Variants in PCDH15 observed in about 807,000 individuals in gnomAD.
The protein encoded by PCDH15 is protocadherin related 15.
A neutral mutation model predicts 178.5 loss-of-function variants in PCDH15; 129 were observed. That is an observed-to-expected ratio of 0.72 (90% CI 0.63 to 0.84). The LOEUF is 0.84. Ranked by LOEUF, PCDH15 falls within the 40% of genes least tolerant of loss-of-function variation. The pLI is 0.00. For synonymous variants in PCDH15, 800 were observed against 732.0 expected, an observed-to-expected ratio of 1.09 and a Z score of -1.50; for missense variants, 2,230 against 2,099.9, an observed-to-expected ratio of 1.06 and a Z score of -1.21.
At chr10:55,114,836 T>C (rs1218956772) in intron 2 of PCDH15, among the ~76,000 whole-genome samples, 2 of 152,220 alleles carry the variant, frequency 1.3e-5, no homozygotes, top group African/African-American at 2.4e-5. Flanking sequence ...TAAACTTCTA[T>C]GTTATTTAAA....
At chr10:53,926,995 T>G (rs1163508998) in intron 25 of PCDH15, among the ~76,000 whole-genome samples, 1 of 152,166 alleles carries the variant, frequency 6.6e-6, no homozygotes, top group African/African-American at 2.4e-5. Context: ...TCATTATCTC[T>G]GTAGCACAAA....
Position 53,815,685 on chromosome 10 carries a change from T to A in PCDH15, c.4491+554A>T, listed in dbSNP as rs140153828. 2.5e-4 allele frequency among the ~76,000 whole-genome samples: 38 copies of A among 152,062 alleles called. No individual in the cohort carries two copies. The East Asian group carries it at 6.7e-3, about 27-fold the overall frequency. On this transcript the variant is annotated intron_variant, in intron 35 of 37. Transcript: ENST00000644397. ...CGTAAAATTAAAAGTAGGATGTCTG[T>A]GTTTTTATTTTTAATTACATATATA...
intron 1 of PCDH15, among the ~76,000 whole-genome samples, chr10:54,797,111 A>G (rs1217482849): frequency 1.3e-5 from 2 of 152,002 alleles, no homozygotes; most frequent in East Asian, 1.9e-4. Flanking sequence ...GCTTAATTCT[A>G]TCGGAAGTTT....
intron 2 of PCDH15, among the ~76,000 whole-genome samples, chr10:55,015,265 A>G (rs1840143639): frequency 6.6e-6 from 1 of 150,936 alleles, no homozygotes; most frequent in African/African-American, 2.4e-5. Context: ...TAGTTAGTCT[A>G]TCTCTTCTTT....
chr10:55,455,282 T>C (rs1264495353), intron 2 of PCDH15, among the ~76,000 whole-genome samples: 3 of 152,170 alleles, frequency 2.0e-5, no homozygotes, highest in Non-Finnish European at 2.9e-5. Context: ...TCATCATGAA[T>C]TGTATATTAT....
chr10:55,277,630 G>A (rs1842626506), intron 1 of PCDH15, among the ~76,000 whole-genome samples: 1 of 152,044 alleles, frequency 6.6e-6, no homozygotes, highest in Non-Finnish European at 1.5e-5. Flanking sequence ...AATGATCTAA[G>A]TTTGTTGTTG....
At chr10:53,875,206 T>C (rs2080139140) in intron 26 of PCDH15, among the ~76,000 whole-genome samples, 2 of 152,140 alleles carry the variant, frequency 1.3e-5, no homozygotes, top group South Asian at 4.1e-4. Flanking sequence ...GCAAACAGGA[T>C]AAATAACAAG....
chr10:55,388,336 T>C (rs759612443), intron 2 of PCDH15, among the ~76,000 whole-genome samples: 4 of 152,094 alleles, frequency 2.6e-5, no homozygotes, highest in Non-Finnish European at 5.9e-5. Flanking sequence ...CCTTCTCTGA[T>C]GGCTGGTTGA....
At chr10:55,153,716 C>T (rs1838800511) in intron 2 of PCDH15, among the ~76,000 whole-genome samples, 1 of 152,108 alleles carries the variant, frequency 6.6e-6, no homozygotes, top group Non-Finnish European at 1.5e-5. Context: ...TCCACAAAAC[C>T]AGTTTCATGT....
At chr10:54,269,794 GTTT>G (rs1337652742) in intron 8 of PCDH15, among the ~76,000 whole-genome samples, 3 of 151,766 alleles carry the variant, frequency 2.0e-5, no homozygotes, top group African/African-American at 7.3e-5. Flanking sequence ...GGATTTCTCT[GTTT>G]TAAGTGTAAC....
At chr10:53,822,994 C>G (rs750442777) in intron 32 of PCDH15, 1 of 1,614,058 alleles carries the variant, frequency 6.2e-7, no homozygotes, top group Non-Finnish European at 8.5e-7. Flanking sequence ...GGTAAGCTGA[C>G]TGACTGACTC....
intron 2 of PCDH15, among the ~76,000 whole-genome samples, chr10:55,565,030 C>T (rs546325103): frequency 6.6e-6 from 1 of 151,758 alleles, no homozygotes; most frequent in Non-Finnish European, 1.5e-5. Flanking sequence ...ACAGAATATT[C>T]TACCCCACAA....
At chr10:55,451,490 T>G (rs1011148895) in intron 2 of PCDH15, among the ~76,000 whole-genome samples, 1 of 114,044 alleles carries the variant, frequency 8.8e-6, no homozygotes, top group African/African-American at 4.0e-5. Context: ...AGAGTAAGAC[T>G]CCGTCTCAAA....
intron 2 of PCDH15, among the ~76,000 whole-genome samples, chr10:54,937,650 T>A (rs1281966274): frequency 6.6e-6 from 1 of 152,008 alleles, no homozygotes; most frequent in Non-Finnish European, 1.5e-5. Flanking sequence ...ACAATTGAAT[T>A]GTGGATGTCG....
At chr10:53,849,860 C>CAAAAAAAAAAAAAAAAA (rs58458871) in intron 28 of PCDH15, among the ~76,000 whole-genome samples, 2 of 52,710 alleles carry the variant, frequency 3.8e-5, no homozygotes, top group Non-Finnish European at 7.9e-5. Context: ...GGCTCCGTCT[C>CAAAAAAAAAAAAAAAAA]AAAAAAAAAA....
chr10:53,979,160 A>C (rs1476090120), intron 21 of PCDH15, among the ~76,000 whole-genome samples: 1 of 152,194 alleles, frequency 6.6e-6, no homozygotes, highest in African/African-American at 2.4e-5. Context: ...GATACTTGGT[A>C]ATTTATAAAG....
At chr10:54,847,368 T>C (rs1953534886) in intron 3 of PCDH15, among the ~76,000 whole-genome samples, 1 of 152,184 alleles carries the variant, frequency 6.6e-6, no homozygotes, top group Non-Finnish European at 1.5e-5. Context: ...TAATATGTAC[T>C]TAATTGTCTT....
intron 2 of PCDH15, among the ~76,000 whole-genome samples, chr10:55,159,743 T>C (rs1226817594): frequency 6.8e-6 from 1 of 147,840 alleles, no homozygotes; most frequent in Non-Finnish European, 1.5e-5. Context: ...GTATATATTT[T>C]AAAGAGATAT....
At chr10:54,814,930 T>C (rs1463650872) in intron 3 of PCDH15, among the ~76,000 whole-genome samples, 1 of 152,122 alleles carries the variant, frequency 6.6e-6, no homozygotes, top group Non-Finnish European at 1.5e-5. Flanking sequence ...GGAAATCTTG[T>C]TTATTCCCTT....
Sources: gnomAD v4.1 joint callset for allele counts (sites outside exome capture counted in the v4.1 genomes callset) on GRCh38, gnomAD v4.1.1 for gene constraint, MANE v1.5 for transcripts, NCBI Gene and HGNC (gene_info 2026-07-23, HGNC 2026-07-21) for gene names.